The following CAMK1D variants were observed in gnomAD, a reference collection of about 807,000 sequenced individuals.
CAMK1D encodes calcium/calmodulin dependent protein kinase ID.
A neutral mutation model predicts 47.7 loss-of-function variants in CAMK1D; 9 were observed. The observed-to-expected ratio is 0.19, with a 90% CI of 0.11 to 0.33. CAMK1D has a LOEUF of 0.33. Ranked by LOEUF, CAMK1D falls within the 10% of genes least tolerant of loss-of-function variation. The pLI, the probability that CAMK1D is intolerant of heterozygous loss-of-function variation, is 1.00. For synonymous variants in CAMK1D, 184 were observed against 184.9 expected (o/e 0.99, Z 0.04); for missense variants, 291 against 488.7 (o/e 0.60, Z 3.81).
chr10:12,560,832 A>G (rs1836916628), intron 2 of CAMK1D, among the ~76,000 whole-genome samples: 1 of 152,144 alleles, frequency 6.6e-6, no homozygotes, highest in African/African-American at 2.4e-5. Context: ...GATGACACAT[A>G]GGGAGGCAGG....
chr10:12,453,634 G>A (rs1833156404), intron 1 of CAMK1D, among the ~76,000 whole-genome samples: 1 of 152,192 alleles, frequency 6.6e-6, no homozygotes, highest in Non-Finnish European at 1.5e-5. Flanking sequence ...GTATGACTAT[G>A]TTGCATTACA....
At chr10:12,712,178 C>T (rs951626098) in intron 3 of CAMK1D, among the ~76,000 whole-genome samples, 1 of 152,154 alleles carries the variant, frequency 6.6e-6, no homozygotes, top group Non-Finnish European at 1.5e-5. Flanking sequence ...TGAGGGCCAC[C>T]CTAAGGGAAG....
At chr10:12,601,044 A>G (rs7905300) in intron 2 of CAMK1D, among the ~76,000 whole-genome samples, 138,251 of 152,224 alleles carry the variant, frequency 0.91, 63,567 homozygotes, top group Non-Finnish European at 0.99. Flanking sequence ...ATGGATGTTT[A>G]GGTGGATTCC....
chr10:12,580,266 A>T (rs1837621111), intron 2 of CAMK1D, among the ~76,000 whole-genome samples: 1 of 150,866 alleles, frequency 6.6e-6, no homozygotes, highest in South Asian at 2.1e-4. Flanking sequence ...TCACTAACAG[A>T]TGTTTAGGAA....
intron 5 of CAMK1D, among the ~76,000 whole-genome samples, chr10:12,784,198 ATTTT>A (rs71386119): frequency 0.19 from 25,440 of 136,034 alleles, 2,750 homozygotes; most frequent in East Asian, 0.46. Flanking sequence ...GAGAAAAGGT[ATTTT>A]TTTTTTTTTT....
At chr10:12,542,632 A>G (rs1836232741) in intron 1 of CAMK1D, among the ~76,000 whole-genome samples, 1 of 152,246 alleles carries the variant, frequency 6.6e-6, no homozygotes, top group African/African-American at 2.4e-5. Flanking sequence ...GTTTTGGAGC[A>G]CCTAAAATAT....
chr10:12,819,628 C>G (rs1203109546), intron 8 of CAMK1D, among the ~76,000 whole-genome samples: 2 of 152,240 alleles, frequency 1.3e-5, no homozygotes, highest in African/African-American at 2.4e-5. Flanking sequence ...GTGATACCTA[C>G]AGGCTGCCAT....
Position 12,792,962 on chromosome 10 carries a change from A to G in CAMK1D, c.641+1729A>G, listed in dbSNP as rs568574117. On this transcript the variant is annotated intron_variant, in intron 6 of 10. Transcript: ENST00000619168. ...CTAATAAAATCACATGTGTGCGCGC[A>G]CACACACACACACACACACACGCAC... Among the ~76,000 whole-genome samples the G allele has an allele frequency of 7.9e-3, 258 of 32,588 alleles. 2 individuals carry two copies. The East Asian group carries it at 0.09, about 11-fold the overall frequency. The allele number at this position is 32,588 out of a possible 152,430, so 21.4% of individuals were successfully genotyped here.
intron 1 of CAMK1D, among the ~76,000 whole-genome samples, chr10:12,504,225 T>TACACACACACAC (rs111662084): frequency 8.5e-4 from 125 of 147,734 alleles, no homozygotes; most frequent in South Asian, 2.6e-3. Context: ...ATACACATTT[T>TACACACACACAC]ACACACACAC....
intron 1 of CAMK1D, among the ~76,000 whole-genome samples, chr10:12,510,378 T>C (rs2132162071): frequency 6.6e-6 from 1 of 152,072 alleles, no homozygotes; most frequent in Middle Eastern, 3.4e-3. Flanking sequence ...ATTGTGCCAC[T>C]GCACTCCAGC....
chr10:12,443,260 A>G (rs1314516428), intron 1 of CAMK1D, among the ~76,000 whole-genome samples: 3 of 152,186 alleles, frequency 2.0e-5, no homozygotes, highest in Non-Finnish European at 4.4e-5. Flanking sequence ...TGGAACAGAT[A>G]TGATGGGTGC....
chr10:12,697,084 A>G (rs983618467), intron 3 of CAMK1D, among the ~76,000 whole-genome samples: 2 of 152,208 alleles, frequency 1.3e-5, no homozygotes, highest in Non-Finnish European at 2.9e-5. Context: ...GGGGCAATCC[A>G]TGGAAGGTAT....
At chr10:12,432,645 C>T (rs920697149) in intron 1 of CAMK1D, among the ~76,000 whole-genome samples, 3 of 152,022 alleles carry the variant, frequency 2.0e-5, no homozygotes, top group Non-Finnish European at 4.4e-5. Context: ...AATGAATGGG[C>T]AAATGAACAA....
chr10:12,446,178 C>A (rs909531219), intron 1 of CAMK1D, among the ~76,000 whole-genome samples: 3 of 152,152 alleles, frequency 2.0e-5, no homozygotes, highest in African/African-American at 7.2e-5. Context: ...GGCAAGTCCA[C>A]AGAGTAAAGT....
chr10:12,825,426 C>T (rs1008027716), intron 9 of CAMK1D, 147 bp from the exon 10 acceptor site: 1 of 675,726 alleles, frequency 1.5e-6, no homozygotes, highest in African/African-American at 1.8e-5. Context: ...GAAGAAGGGA[C>T]AACATAAGCT....
chr10:12,458,962 T>C (rs1169698803), intron 1 of CAMK1D, among the ~76,000 whole-genome samples: 1 of 149,128 alleles, frequency 6.7e-6, no homozygotes, highest in Non-Finnish European at 1.5e-5. Context: ...TACTGCAACC[T>C]CTGCCTCCCA....
At chr10:12,564,149 C>CTG (rs1464754421) in intron 2 of CAMK1D, among the ~76,000 whole-genome samples, 43 of 17,264 alleles carry the variant, frequency 2.5e-3, no homozygotes, top group Admixed American at 9.0e-3. Context: ...CTCTCTCTGT[C>CTG]TCTCTCTCTC....
At chr10:12,724,304 G>C (rs1304237088) in intron 3 of CAMK1D, among the ~76,000 whole-genome samples, 1 of 152,076 alleles carries the variant, frequency 6.6e-6, no homozygotes, top group Non-Finnish European at 1.5e-5. Flanking sequence ...TTTTTGTCTT[G>C]GGCTGCCTTC....
chr10:12,630,784 C>T (rs1453838484), intron 2 of CAMK1D, among the ~76,000 whole-genome samples: 1 of 152,062 alleles, frequency 6.6e-6, no homozygotes, highest in Non-Finnish European at 1.5e-5. Flanking sequence ...TCCGTACCTC[C>T]CTTCTTTGAG....
Sources: gnomAD v4.1 joint callset for allele counts (sites outside exome capture counted in the v4.1 genomes callset) on GRCh38, gnomAD v4.1.1 for gene constraint, MANE v1.5 for transcripts, NCBI Gene and HGNC (gene_info 2026-07-23, HGNC 2026-07-21) for gene names.